The following COL4A6 variants were observed in gnomAD, a reference collection of about 807,000 sequenced individuals.
COL4A6 encodes collagen type IV alpha 6 chain.
A neutral mutation model predicts 126.7 loss-of-function variants in COL4A6; 59 were observed. The ratio of observed to expected loss-of-function variants is 0.47; its 90% CI spans 0.38 to 0.58. The LOEUF (loss-of-function observed/expected upper bound fraction) is 0.58, where lower values mean the gene tolerates loss of function less well. Among genes scored for constraint, COL4A6 ranks in the 20% least tolerant of loss-of-function variants. The pLI, the probability that COL4A6 is intolerant of heterozygous loss-of-function variation, is 0.00. For missense variants in COL4A6, 1,285 were observed against 1,337.3 expected (o/e 0.96, Z 0.61); for synonymous variants, 547 against 496.6 (o/e 1.10, Z -1.35).
chrX:108,267,184 G>C (rs1468972852), intron 3 of COL4A6, among the ~76,000 whole-genome samples: 1 of 111,702 alleles, frequency 9.0e-6, no homozygotes, highest in African/African-American at 3.3e-5. Context: ...ATCAGGGTAA[G>C]TCTTTGTCAC....
At chrX:108,240,191 C>G (rs1303750885) in intron 3 of COL4A6, among the ~76,000 whole-genome samples, 1 of 111,306 alleles carries the variant, frequency 9.0e-6, no homozygotes, top group Non-Finnish European at 1.9e-5. Context: ...TGCAGTGAGC[C>G]AAGATTGCGC....
chrX:108,172,384 A>G, intron 32 of COL4A6, 85 bp downstream of exon 32: 1 of 502,793 alleles, frequency 2.0e-6, no homozygotes, highest in Non-Finnish European at 2.9e-6. Context: ...AAAAAAAAAA[A>G]AAAAAAGAGA....
chrX:108,362,238 G>T (rs2040103726), intron 2 of COL4A6, among the ~76,000 whole-genome samples: 1 of 112,055 alleles, frequency 8.9e-6, no homozygotes, highest in Non-Finnish European at 1.9e-5. Flanking sequence ...TTTGGCTCCA[G>T]GCCAAAAGGA....
intron 2 of COL4A6, 64 bp downstream of exon 2, chrX:108,437,878 A>C: frequency 3.1e-5 from 35 of 1,131,436 alleles, no homozygotes; most frequent in Non-Finnish European, 3.9e-5. Flanking sequence ...CATAAATACT[A>C]GAGATGGGGA....
chrX:108,427,902 G>T (rs1025474269), intron 2 of COL4A6, among the ~76,000 whole-genome samples: 1 of 112,063 alleles, frequency 8.9e-6, no homozygotes, highest in Non-Finnish European at 1.9e-5. Flanking sequence ...ATCTCTCTGG[G>T]ATGAGAATAT....
intron 23 of COL4A6, among the ~76,000 whole-genome samples, chrX:108,186,591 G>T (rs753928219): frequency 1.8e-5 from 2 of 111,687 alleles, no homozygotes; most frequent in African/African-American, 6.5e-5. Flanking sequence ...AGTAGAAAAA[G>T]AAGTTATATA....
intron 2 of COL4A6, among the ~76,000 whole-genome samples, chrX:108,361,201 T>G: frequency 9.0e-6 from 1 of 111,716 alleles, no homozygotes. Context: ...ATTTATGGTA[T>G]GAACCCTCAG....
intron 2 of COL4A6, among the ~76,000 whole-genome samples, chrX:108,396,103 TAA>T (rs1226843430): frequency 9.0e-6 from 1 of 111,417 alleles, no homozygotes; most frequent in Non-Finnish European, 1.9e-5. Context: ...TAAATAAAAA[TAA>T]GTTATTAAAT....
chrX:108,347,185 G>A (rs2039728614), intron 2 of COL4A6, among the ~76,000 whole-genome samples: 1 of 111,592 alleles, frequency 9.0e-6, no homozygotes, highest in African/African-American at 3.3e-5. Flanking sequence ...CCGTCGCAGG[G>A]AGCACTCACA....
chrX:108,176,654 T>A (rs1334633732), intron 28 of COL4A6, among the ~76,000 whole-genome samples, 187 bp downstream of exon 28: 2 of 112,199 alleles, frequency 1.8e-5, no homozygotes, highest in African/African-American at 3.2e-5. Flanking sequence ...CAGCAGGCAG[T>A]GAGGGTGACT....
At position 108,319,443 on chromosome X, in the gene COL4A6, C is replaced by G. The variant is rs778370099; in HGVS notation, c.64-8615G>C. On this transcript the variant is annotated intron_variant, in intron 2 of 44. Coordinates refer to ENST00000334504, the MANE Select transcript of COL4A6 (RefSeq NM_033641.4). The stretch of plus-strand genomic sequence containing the variant: ...AGAGAATACACCCTAGAATTAAGCA[C>G]TGAAGCATGTCAGTGTTAAGAGAGC... Among the ~76,000 whole-genome samples the G allele has an allele frequency of 2.7e-5, 3 of 112,003 alleles. No individual in the cohort carries two copies. In the East Asian group the frequency reaches 8.4e-4, roughly 31 times the overall value.
intron 43 of COL4A6, chrX:108,160,001 C>T (rs1284417472): frequency 4.5e-6 from 2 of 440,955 alleles, no homozygotes; most frequent in Non-Finnish European, 4.0e-6. Context: ...TTGAAAGAAA[C>T]AGCGTTTAAT....
At chrX:108,207,354 T>C (rs1362605219) in intron 8 of COL4A6, among the ~76,000 whole-genome samples, 2 of 110,251 alleles carry the variant, frequency 1.8e-5, no homozygotes, top group East Asian at 5.7e-4. Context: ...AGGGAGAGCA[T>C]CAGGAAAAAT....
intron 2 of COL4A6, among the ~76,000 whole-genome samples, chrX:108,436,365 A>G (rs957815475): frequency 2.7e-5 from 3 of 112,679 alleles, no homozygotes; most frequent in Admixed American, 9.4e-5. Flanking sequence ...TGCAAGCATT[A>G]AAGTGGTTTT....
At chrX:108,276,945 G>A (rs781178061) in intron 3 of COL4A6, among the ~76,000 whole-genome samples, 12 of 112,441 alleles carry the variant, frequency 1.1e-4, no homozygotes, top group East Asian at 2.8e-4. Context: ...GGAAATTTTC[G>A]AAAGCAATGG....
chrX:108,272,626 C>T (rs1356826262), intron 3 of COL4A6, among the ~76,000 whole-genome samples: 1 of 110,927 alleles, frequency 9.0e-6, no homozygotes, highest in Non-Finnish European at 1.9e-5. Context: ...ACAACAAAAG[C>T]GAGATAAGCA....
chrX:108,269,147 G>A (rs1238851701), intron 3 of COL4A6: 4 of 336,041 alleles, frequency 1.2e-5, no homozygotes, highest in South Asian at 1.0e-4. Context: ...GTAGCTGCAA[G>A]TTGTGCTGCA....
chrX:108,208,947 G>A (rs1403356299), intron 8 of COL4A6, among the ~76,000 whole-genome samples: 1 of 112,308 alleles, frequency 8.9e-6, no homozygotes, highest in African/African-American at 3.2e-5. Context: ...TATCATGCCT[G>A]TGTATGTGGA....
Position 108,306,417 on chromosome X carries a change from A to T in COL4A6, c.144+4331T>A, listed in dbSNP as rs144380563. Among the ~76,000 whole-genome samples, 330 of 111,515 alleles carry T rather than the reference A, an allele frequency of 3.0e-3. 1 individual carries two copies. Among genetic ancestry groups the T allele is most frequent in the African/African-American group, 0.01 (308 of 30,697 alleles). On this transcript the variant is annotated intron_variant, in intron 3 of 44. Coordinates refer to ENST00000334504, the MANE Select transcript of COL4A6 (RefSeq NM_033641.4). ...CATGTTGGAGCAGTAGAGGACAAAGACATTGGTGTGTGTTGTAGTGGGTAG... is the reference window on the plus strand; with the variant it reads ...CATGTTGGAGCAGTAGAGGACAAAGTCATTGGTGTGTGTTGTAGTGGGTAG...
Sources: gnomAD v4.1 joint callset for allele counts (sites outside exome capture counted in the v4.1 genomes callset) on GRCh38, gnomAD v4.1.1 for gene constraint, MANE v1.5 for transcripts, NCBI Gene and HGNC (gene_info 2026-07-23, HGNC 2026-07-21) for gene names.